Variants in ADGRD1 observed in about 807,000 individuals in gnomAD.
ADGRD1 encodes G-protein coupled receptor 133.
A neutral mutation model predicts 113.4 loss-of-function variants in ADGRD1; 77 were observed. The ratio of observed to expected loss-of-function variants is 0.68; its 90% CI spans 0.57 to 0.82. ADGRD1 has a LOEUF of 0.82. Among genes scored for constraint, ADGRD1 ranks in the 40% least tolerant of loss-of-function variants. ADGRD1 has a pLI of 0.00. For synonymous variants in ADGRD1, 474 were observed against 475.0 expected, an observed-to-expected ratio of 1.00 and a Z score of 0.03; for missense variants, 1,036 against 1,139.1, an observed-to-expected ratio of 0.91 and a Z score of 1.30.
At chr12:131,099,174 C>T (rs1366614619) in intron 15 of ADGRD1, among the ~76,000 whole-genome samples, 2 of 152,192 alleles carry the variant, frequency 1.3e-5, no homozygotes, top group Non-Finnish European at 2.9e-5. Context: ...CGTCAGAGCT[C>T]ACATCACTCT....
rs1882179345 is a variant in ADGRD1 at position 131,041,977 on chromosome 12, C to A, written c.1473+27637C>A. On this transcript the variant is annotated intron_variant, in intron 13 of 24. Transcript: ENST00000261654. The surrounding 1 kb of genome is among the most constrained non-coding windows in gnomAD (Gnocchi z 4.4). Reference sequence around the variant, plus strand: ...CGATGACCTAGGGTTCCTTCGCAGTCGGGTTTGTTATCCGAGTCCCCGAGG... The same window carrying A: ...CGATGACCTAGGGTTCCTTCGCAGTAGGGTTTGTTATCCGAGTCCCCGAGG... 6.6e-6 allele frequency among the ~76,000 whole-genome samples: 1 copy of A among 152,184 alleles called. No homozygotes were observed. Among genetic ancestry groups the A allele is most frequent in the African/African-American group, 2.4e-5 (1 of 41,436 alleles).
intron 13 of ADGRD1, among the ~76,000 whole-genome samples, chr12:131,032,288 C>T (rs1036382154): frequency 3.3e-5 from 5 of 152,350 alleles, no homozygotes; most frequent in African/African-American, 1.2e-4. Context: ...AAGACAGTCT[C>T]ACAGGTCCAC....
chr12:131,121,837 A>C (rs922389177), intron 20 of ADGRD1: 1 of 151,944 alleles, frequency 6.6e-6, no homozygotes, highest in Non-Finnish European at 1.5e-5. Context: ...TTTTCCCAGC[A>C]CTCCCATCGC....
At chr12:131,054,816 G>A (rs1414526695) in intron 13 of ADGRD1, among the ~76,000 whole-genome samples, 1 of 152,184 alleles carries the variant, frequency 6.6e-6, no homozygotes, top group Non-Finnish European at 1.5e-5. Flanking sequence ...GCTGAGCTCC[G>A]GGGCAGTTAT....
At chr12:131,120,681 A>T in intron 19 of ADGRD1, 166 bp from the exon 20 acceptor site, 2 of 709,468 alleles carry the variant, frequency 2.8e-6, no homozygotes, top group Non-Finnish European at 5.1e-6. Flanking sequence ...GAGACGTGGG[A>T]TCATCATGGA....
At chr12:131,017,945 A>C (rs1040296805) in intron 13 of ADGRD1, among the ~76,000 whole-genome samples, 77 of 152,200 alleles carry the variant, frequency 5.1e-4, no homozygotes, top group African/African-American at 1.6e-3. Context: ...CTCAGTACAC[A>C]CCCAGTGCAT....
At position 131,084,404 on chromosome 12, in the gene ADGRD1, G is replaced by C; in HGVS notation, c.1548-136G>C. 1.2e-6 allele frequency: 1 copy of C among 855,124 alleles called. No homozygotes were observed. The highest frequency in any genetic ancestry group is 1.5e-5 in the South Asian group (1 of 64,534). The allele number at this position is 855,124 out of a possible 1,614,324, so 53.0% of individuals were successfully genotyped here. ...CCAACCCCCACACCACGGTCTGGGT[G>C]TGCATTCCTGGCGTGGCAGGTGTGG... On this transcript the variant is annotated intron_variant, in intron 14 of 24. Transcript: ENST00000261654. The surrounding 1 kb of genome is among the most constrained non-coding windows in gnomAD (Gnocchi z 4.5).
intron 14 of ADGRD1, among the ~76,000 whole-genome samples, chr12:131,082,071 G>C (rs573614296): frequency 1.7e-4 from 26 of 151,974 alleles, no homozygotes; most frequent in Non-Finnish European, 3.1e-4. Context: ...GGTTTTTTAT[G>C]TGTTTTTTCA....
intron 18 of ADGRD1, among the ~76,000 whole-genome samples, chr12:131,109,498 C>T (rs1243204815): frequency 2.0e-5 from 3 of 151,744 alleles, no homozygotes; most frequent in Non-Finnish European, 4.4e-5. Context: ...TTTATTTGAC[C>T]CATTGATTAT....
At chr12:131,117,691 C>G (rs1452115856) in intron 18 of ADGRD1, among the ~76,000 whole-genome samples, 2 of 152,306 alleles carry the variant, frequency 1.3e-5, no homozygotes, top group East Asian at 1.9e-4. Flanking sequence ...CAGGAAGGAA[C>G]CAGCCCACCT....
intron 22 of ADGRD1, among the ~76,000 whole-genome samples, chr12:131,136,759 C>A (rs1951098198): frequency 6.6e-6 from 1 of 152,234 alleles, no homozygotes; most frequent in Non-Finnish European, 1.5e-5. Flanking sequence ...CGCAGCACCC[C>A]CTCTCTGAAC....
chr12:131,065,273 T>C lies in ADGRD1; in HGVS notation c.1474-11528T>C, dbSNP rs373134952. On this transcript the variant is annotated intron_variant, in intron 13 of 24. Transcript: ENST00000261654. The stretch of plus-strand genomic sequence containing the variant: ...AGTGACAGGGTGGCTTGGGAAGCGA[T>C]TGACCAGAGTGAAAACACACCTGTT... 3.5e-3 allele frequency among the ~76,000 whole-genome samples: 529 copies of C among 152,296 alleles called. 3 individuals are homozygous for C. The highest frequency in any genetic ancestry group is 0.012 in the African/African-American group (506 of 41,556).
At chr12:131,088,265 G>A (rs542609803) in intron 15 of ADGRD1, among the ~76,000 whole-genome samples, 25 of 152,308 alleles carry the variant, frequency 1.6e-4, no homozygotes, top group Admixed American at 1.6e-3. Flanking sequence ...TTGAATTACC[G>A]GTAGAGCCTG....
At chr12:131,102,513 G>A (rs994937525) in intron 15 of ADGRD1, among the ~76,000 whole-genome samples, 1 of 152,198 alleles carries the variant, frequency 6.6e-6, no homozygotes, top group East Asian at 1.9e-4. Flanking sequence ...TCGGGCCCCC[G>A]GGAGGCCCCT....
At chr12:131,002,476 TAGC>T in intron 9 of ADGRD1, 1 of 982,472 alleles carries the variant, frequency 1.0e-6, no homozygotes, top group Non-Finnish European at 1.2e-6. Context: ...GCTGAGGACT[TAGC>T]AGCAGGCAGG....
At chr12:130,963,283 G>A (rs575874861) in intron 2 of ADGRD1, among the ~76,000 whole-genome samples, 2 of 127,346 alleles carry the variant, frequency 1.6e-5, no homozygotes, top group Admixed American at 2.0e-4. Context: ...TCGCGCCACT[G>A]CACTCCAGCC....
chr12:131,106,668 C>T lies in ADGRD1; in HGVS notation c.1887+803C>T, dbSNP rs80019548. 2.4e-3 allele frequency among the ~76,000 whole-genome samples: 371 copies of T among 152,288 alleles called. 1 individual carries two copies. The highest frequency in any genetic ancestry group is 8.6e-3 in the African/African-American group (359 of 41,554). On this transcript the variant is annotated intron_variant, in intron 17 of 24. Transcript: ENST00000261654. ...GCCTAGCGGGTCAGCAGAGCCTCTC[C>T]TCCTCACTGCCCAGCAGAGCCCTTT...
chr12:131,073,972 C>T (rs1885379926), intron 13 of ADGRD1, among the ~76,000 whole-genome samples: 1 of 152,190 alleles, frequency 6.6e-6, no homozygotes, highest in African/African-American at 2.4e-5. Context: ...AAGGTTCCAA[C>T]ACATGAGCTT....
At chr12:131,030,992 CAG>C (rs1880656909) in intron 13 of ADGRD1, among the ~76,000 whole-genome samples, 1 of 152,030 alleles carries the variant, frequency 6.6e-6, no homozygotes, top group African/African-American at 2.4e-5. Flanking sequence ...CGCCCACAGC[CAG>C]GGCCCCCACC....
Sources: gnomAD v4.1 joint callset for allele counts (sites outside exome capture counted in the v4.1 genomes callset) on GRCh38, gnomAD v4.1.1 for gene constraint, Gnocchi (gnomAD v3.1) non-coding constraint, MANE v1.5 for transcripts, NCBI Gene and HGNC (gene_info 2026-07-23, HGNC 2026-07-21) for gene names.